CNTNAP3B: variants seen among roughly 807,000 people sequenced by gnomAD.
CNTNAP3B encodes contactin-associated protein-like 3B.
In CNTNAP3B, 25 loss-of-function variants were observed where a neutral mutation model predicts 108.9. That is an observed-to-expected ratio of 0.23 (90% CI 0.17 to 0.32). The LOEUF is 0.32. Among genes scored for constraint, CNTNAP3B ranks in the 10% least tolerant of loss-of-function variants. The pLI, the probability that CNTNAP3B is intolerant of heterozygous loss-of-function variation, is 1.00. For synonymous variants in CNTNAP3B, 103 were observed against 473.4 expected, an observed-to-expected ratio of 0.22 and a Z score of 10.16; for missense variants, 252 against 1,210.4, an observed-to-expected ratio of 0.21 and a Z score of 11.75.
Position 41,924,394 on chromosome 9 carries a change from C to G in CNTNAP3B, c.2366-301G>C, listed in dbSNP as rs1220155937. Among the ~76,000 whole-genome samples the G allele has an allele frequency of 3.2e-4, 48 of 152,350 alleles. No homozygotes were observed. In the East Asian group the frequency reaches 9.0e-3, roughly 29 times the overall value. On this transcript the variant is annotated intron_variant, in intron 15 of 23. Transcript: ENST00000377561. Reference sequence around the variant, plus strand: ...GACAGGGTCAAGTTCAGAATCACCTCAAAGGTACGACCAACAGAACTTACT... The same window carrying G: ...GACAGGGTCAAGTTCAGAATCACCTGAAAGGTACGACCAACAGAACTTACT...
At chr9:41,934,100 C>CATATATATGTGTATAT (rs1314834829) in intron 14 of CNTNAP3B, among the ~76,000 whole-genome samples, 30 of 90,208 alleles carry the variant, frequency 3.3e-4, no homozygotes, top group African/African-American at 1.3e-3. Context: ...ATATTTGTTA[C>CATATATATGTGTATAT]ATATATATAT....
intron 13 of CNTNAP3B, among the ~76,000 whole-genome samples, chr9:41,943,907 A>G (rs1405944610): frequency 1.3e-5 from 2 of 152,254 alleles, no homozygotes; most frequent in Non-Finnish European, 2.9e-5. Flanking sequence ...AAATTAAAAT[A>G]AAATCTTTTA....
At chr9:41,923,435 GTGCTTCA>G (rs1823721946) in intron 16 of CNTNAP3B, among the ~76,000 whole-genome samples, 1 of 151,818 alleles carries the variant, frequency 6.6e-6, no homozygotes, top group African/African-American at 2.4e-5. Flanking sequence ...GGATTATTAC[GTGCTTCA>G]TGCTTCATTG....
At chr9:41,962,085 GATA>G (rs1246323739) in intron 11 of CNTNAP3B, among the ~76,000 whole-genome samples, 2 of 152,216 alleles carry the variant, frequency 1.3e-5, no homozygotes, top group Admixed American at 6.5e-5. Flanking sequence ...CTTTTTAAAT[GATA>G]ATGTATACAT....
Position 41,986,167 on chromosome 9 carries a change from C to A in CNTNAP3B, c.1477+1G>T. ...AGTGTCATTCAGTTGCCTTCTCTTA[C>A]CTCCAAAATAATAGGTGTCACCTGA... On this transcript the variant is annotated splice_donor_variant, in intron 9 of 23. Coordinates refer to ENST00000377561, the MANE Select transcript of CNTNAP3B (RefSeq NM_001201380.3). LOFTEE classifies it high-confidence loss of function. 8.7e-7 allele frequency: 1 copy of A among 1,146,780 alleles called. No homozygotes were observed. The highest frequency in any genetic ancestry group is 1.2e-6 in the Non-Finnish European group (1 of 851,756). 71.0% of individuals were successfully genotyped at this position (1,146,780 alleles called of 1,614,324 possible). A position where few individuals can be genotyped will look rare whatever the true frequency, so the allele number is the denominator to read the frequency against.
intron 12 of CNTNAP3B, among the ~76,000 whole-genome samples, chr9:41,959,427 T>C (rs1339586518): frequency 6.6e-6 from 1 of 152,302 alleles, no homozygotes; most frequent in Non-Finnish European, 1.5e-5. Flanking sequence ...TCCCCTACCA[T>C]TAGCTAGATT....
chr9:41,943,603 C>T (rs1260277692), intron 13 of CNTNAP3B, among the ~76,000 whole-genome samples: 4 of 150,848 alleles, frequency 2.7e-5, no homozygotes, highest in East Asian at 1.9e-4. Context: ...CCGCCCGCCT[C>T]GGCCTCCCAA....
At position 42,100,473 on chromosome 9, in the gene CNTNAP3B, C is replaced by CTAG. The variant is rs1054728059; in HGVS notation, c.196+4153_196+4155dup. ...CTTACTTATGGGGATACTAAAAACA[C>CTAG]TAGGTCTGTTATAGTTCTACTTGGA... On this transcript the variant is annotated intron_variant, in intron 2 of 23. Coordinates refer to ENST00000377561, the MANE Select transcript of CNTNAP3B (RefSeq NM_001201380.3). 6.1e-4 allele frequency among the ~76,000 whole-genome samples: 19 copies of CTAG among 30,902 alleles called. 5 individuals carry two copies. In the South Asian group the frequency reaches 0.02, roughly 33 times the overall value. The allele number at this position is 30,902 out of a possible 152,430, so 20.3% of individuals were successfully genotyped here. A position where few individuals can be genotyped will look rare whatever the true frequency, so the allele number is the denominator to read the frequency against.
rs1464048769 is a variant in CNTNAP3B, at chr9:42,077,020, C to T, written c.239G>A (p.Trp80Ter). The T allele has an allele frequency of 6.5e-7, 1 of 1,531,774 alleles. No individual in the cohort carries two copies. The highest frequency in any genetic ancestry group is 1.6e-5 in the African/African-American group (1 of 61,636). The allele number at this position is 1,531,774 out of a possible 1,614,324, so 94.9% of individuals were successfully genotyped here. A position where few individuals can be genotyped will look rare whatever the true frequency, so the allele number is the denominator to read the frequency against. ...TCTCTCTCCAAGGTCAATTTGCAGC[C>T]ATTGGTATTTATTTGACACAAGTGG... is the stretch of plus-strand genomic sequence containing the variant. ...WTPLVSNKYQ[W>*]LQIDLGERME... Residue 80 changes from tryptophan (W) to a stop codon, truncating the protein, a stop_gained, in exon 3 of 24, where the codon TGG becomes TAG. Transcript: ENST00000377561. LOFTEE classifies it high-confidence loss of function.
At chr9:41,948,053 C>A (rs1218319196) in intron 13 of CNTNAP3B, among the ~76,000 whole-genome samples, 2 of 151,312 alleles carry the variant, frequency 1.3e-5, no homozygotes, top group East Asian at 3.9e-4. Context: ...TCTCTTGGCC[C>A]AGATGGTTTT....
chr9:41,988,238 A>ATTTTTTTTT (rs1209677991), intron 8 of CNTNAP3B, among the ~76,000 whole-genome samples: 1 of 25,872 alleles, frequency 3.9e-5, no homozygotes, highest in African/African-American at 1.2e-4. Context: ...CCTTCTTTGA[A>ATTTTTTTTT]TTTTTTTTTT....
chr9:41,971,036 T>C (rs1420989807), intron 9 of CNTNAP3B, among the ~76,000 whole-genome samples: 1 of 150,566 alleles, frequency 6.6e-6, no homozygotes, highest in Non-Finnish European at 1.5e-5. Flanking sequence ...ATATTAAAAA[T>C]TTCACTACAA....
chr9:41,930,959 T>C (rs942282334), intron 14 of CNTNAP3B, among the ~76,000 whole-genome samples: 1 of 152,288 alleles, frequency 6.6e-6, no homozygotes, highest in Non-Finnish European at 1.5e-5. Context: ...TTTGGTTATA[T>C]TTTATTACAT....
chr9:42,058,331 A>G (rs1827117261), intron 3 of CNTNAP3B, among the ~76,000 whole-genome samples: 1 of 152,068 alleles, frequency 6.6e-6, no homozygotes, highest in South Asian at 2.1e-4. Flanking sequence ...ATTGCCACCA[A>G]CAGTATACAG....
intron 14 of CNTNAP3B, among the ~76,000 whole-genome samples, chr9:41,934,512 C>T (rs369299531): frequency 0.2 from 28,836 of 140,836 alleles, no homozygotes; most frequent in South Asian, 0.26. Flanking sequence ...TGAGCCACGG[C>T]GCCCTGCCAC....
chr9:41,999,554 C>T (rs555587438), intron 4 of CNTNAP3B, among the ~76,000 whole-genome samples: 3 of 124,526 alleles, frequency 2.4e-5, no homozygotes, highest in Non-Finnish European at 1.7e-5. Flanking sequence ...CACATACACA[C>T]ACACACACAC....
At position 42,129,196 on chromosome 9, in the gene CNTNAP3B, C is replaced by T. The variant is rs1183693960; in HGVS notation, c.-102G>A. 25 of 1,442,270 alleles carry T rather than the reference C, an allele frequency of 1.7e-5. 1 individual carries two copies. The highest frequency in any genetic ancestry group is 2.7e-5 in the East Asian group (1 of 37,712). 89.3% of individuals were successfully genotyped at this position (1,442,270 alleles called of 1,614,324 possible). A position where few individuals can be genotyped will look rare whatever the true frequency, so the allele number is the denominator to read the frequency against. On this transcript the variant is annotated 5_prime_UTR_variant, in exon 1 of 24. Coordinates refer to ENST00000377561, the MANE Select transcript of CNTNAP3B (RefSeq NM_001201380.3). Reference sequence around the variant, plus strand: ...CTCACTCCCGTCCCCTGCGCGGCTCCGACGCTGCTCTGTCTCCCCTGTCCA... The same window carrying T: ...CTCACTCCCGTCCCCTGCGCGGCTCTGACGCTGCTCTGTCTCCCCTGTCCA...
intron 3 of CNTNAP3B, among the ~76,000 whole-genome samples, chr9:42,035,667 A>G (rs1826609720): frequency 1.3e-5 from 2 of 150,708 alleles, no homozygotes; most frequent in Non-Finnish European, 1.5e-5. Context: ...CATATTTTTT[A>G]TTGTTTTAGA....
chr9:41,972,750 T>C (rs1223672790), intron 9 of CNTNAP3B, among the ~76,000 whole-genome samples: 2 of 134,870 alleles, frequency 1.5e-5, no homozygotes, highest in Non-Finnish European at 3.1e-5. Flanking sequence ...TTCTGAAGAA[T>C]GGGATAGAGA....
Sources: gnomAD v4.1 joint callset for allele counts (sites outside exome capture counted in the v4.1 genomes callset) on GRCh38, gnomAD v4.1.1 for gene constraint, MANE v1.5 for transcripts, NCBI Gene and HGNC (gene_info 2026-07-23, HGNC 2026-07-21) for gene names.